Variants in SLC44A5 observed in about 807,000 individuals in gnomAD.
The protein encoded by SLC44A5 is choline transporter-like protein 5.
SLC44A5 carries 57 observed loss-of-function variants against 101.8 expected under a neutral mutation model. The observed-to-expected ratio is 0.56, with a 90% CI of 0.45 to 0.70. The LOEUF (loss-of-function observed/expected upper bound fraction) is 0.70. SLC44A5 is among the 30% of genes least tolerant of loss of function. The pLI, the probability that SLC44A5 is intolerant of heterozygous loss-of-function variation, is 0.00. For synonymous variants in SLC44A5, 281 were observed against 290.9 expected (o/e 0.97, Z 0.35); for missense variants, 737 against 853.1 (o/e 0.86, Z 1.70).
intron 1 of SLC44A5, among the ~76,000 whole-genome samples, chr1:75,549,615 T>A (rs1244350690): frequency 6.6e-6 from 1 of 152,170 alleles, no homozygotes; most frequent in East Asian, 1.9e-4. Flanking sequence ...CTTTAATTCC[T>A]GACCTTAAGG....
intron 23 of SLC44A5, among the ~76,000 whole-genome samples, chr1:75,210,338 G>A (rs1646828400): frequency 6.6e-6 from 1 of 152,050 alleles, no homozygotes; most frequent in Non-Finnish European, 1.5e-5. Context: ...AAGATTACAG[G>A]TATGAGCCAC....
At chr1:75,593,112 C>T (rs1428802683) in intron 1 of SLC44A5, among the ~76,000 whole-genome samples, 1 of 152,010 alleles carries the variant, frequency 6.6e-6, no homozygotes, top group Non-Finnish European at 1.5e-5. Flanking sequence ...GATTAATAAC[C>T]AGAATACACA....
intron 4 of SLC44A5, among the ~76,000 whole-genome samples, chr1:75,321,016 T>G: frequency 6.6e-6 from 1 of 152,194 alleles, no homozygotes; most frequent in East Asian, 1.9e-4. Context: ...AATATATTTA[T>G]TATAAATATG....
At chr1:75,215,657 A>G in intron 19 of SLC44A5, 97 bp downstream of exon 19, 2 of 680,500 alleles carry the variant, frequency 2.9e-6, no homozygotes, top group Non-Finnish European at 5.2e-6. Flanking sequence ...GATAAATTCA[A>G]CTGCATGAAG....
the SLC44A5 span, among the ~76,000 whole-genome samples, chr1:75,633,425 A>G: frequency 1.3e-5 from 2 of 152,116 alleles, no homozygotes; most frequent in African/African-American, 2.4e-5. Flanking sequence ...CTCCTTGAAG[A>G]GGTCCTTCAT....
At chr1:75,390,912 C>T (rs184374200) in intron 3 of SLC44A5, among the ~76,000 whole-genome samples, 1 of 152,128 alleles carries the variant, frequency 6.6e-6, no homozygotes, top group African/African-American at 2.4e-5. Flanking sequence ...TTGTCCATCT[C>T]CACTGAAGAT....
chr1:75,231,078 A>G (rs1647517464), intron 12 of SLC44A5, among the ~76,000 whole-genome samples: 1 of 152,194 alleles, frequency 6.6e-6, no homozygotes, highest in Non-Finnish European at 1.5e-5. Context: ...TTAATTGAGG[A>G]AACTTTCATC....
chr1:75,648,215 T>A, the SLC44A5 span, among the ~76,000 whole-genome samples: 1 of 152,130 alleles, frequency 6.6e-6, no homozygotes, highest in Non-Finnish European at 1.5e-5. Context: ...GCTTGGCACT[T>A]CTCTTTTCTG....
rs1312535477 is a variant in SLC44A5 at position 75,215,813 on chromosome 1, A to G, written c.1669T>C (p.Cys557Arg). ...LSKFLQCCLR[C>R]CFWCLENAIK... ...GCATTTTCCAAACACCAGAAGCAGCATCTCAGGCAGCATTGTAGGAATTTA... is the reference window on the plus strand; with the variant it reads ...GCATTTTCCAAACACCAGAAGCAGCGTCTCAGGCAGCATTGTAGGAATTTA... The change falls in exon 19 of 24, where the codon TGC (cysteine) becomes CGC (arginine). Residue 557 changes from cysteine (C) to arginine (R), a missense_variant. Cys to Arg is a radical substitution (Grantham distance 180). Around this residue, in one of 3 missense-constraint regions of SLC44A5, gnomAD observed 665 missense variants for 764.4 expected, o/e 0.87. Transcript: ENST00000370859. The G allele has an allele frequency of 6.2e-7, 1 of 1,609,200 alleles. No homozygotes were observed. Among genetic ancestry groups the G allele is most frequent in the Non-Finnish European group, 8.5e-7 (1 of 1,176,106 alleles).
At chr1:75,333,909 A>G (rs974539598) in intron 4 of SLC44A5, among the ~76,000 whole-genome samples, 2 of 152,160 alleles carry the variant, frequency 1.3e-5, no homozygotes, top group African/African-American at 4.8e-5. Flanking sequence ...GTCACACTTG[A>G]GTTCTTTCCA....
In SLC44A5 at chr1:75,324,672, G is replaced by A. The variant is rs575145618; in HGVS notation, c.101+14910C>T. ...GTCTGAAGGCTGCAAGTTTATTGTG[G>A]CCACATCAGCCCTTCCTCAGGAATT... On this transcript the variant is annotated intron_variant, in intron 4 of 23. Transcript: ENST00000370859. Among the ~76,000 whole-genome samples the A allele has an allele frequency of 2.4e-4, 37 of 152,196 alleles. No homozygotes were observed. The South Asian group carries it at 7.5e-3, about 31-fold the overall frequency.
the SLC44A5 span, among the ~76,000 whole-genome samples, chr1:75,722,457 T>C: frequency 0.019 from 2,904 of 152,308 alleles, 97 homozygotes; most frequent in African/African-American, 0.067. Context: ...ATGCAGAACG[T>C]TGGCGAACTG....
At chr1:75,302,995 A>C (rs1184359785) in intron 4 of SLC44A5, among the ~76,000 whole-genome samples, 1 of 152,192 alleles carries the variant, frequency 6.6e-6, no homozygotes, top group African/African-American at 2.4e-5. Flanking sequence ...TGCATCACGG[A>C]TGGCCACAGA....
Position 75,510,052 on chromosome 1 carries a change from A to G in SLC44A5, c.13+31383T>C, listed in dbSNP as rs113652239. ...CAGGGAAACTCCCCTTTATAAAACC[A>G]TCAGATCTCATGAGACTTATTCACT... On this transcript the variant is annotated intron_variant, in intron 2 of 23. Coordinates refer to ENST00000370859, the MANE Select transcript of SLC44A5 (RefSeq NM_001130058.2). Among the ~76,000 whole-genome samples, 879 of 152,280 alleles carry G rather than the reference A, an allele frequency of 5.8e-3. 4 individuals are homozygous for G. The highest frequency in any genetic ancestry group is 0.02 in the African/African-American group (842 of 41,550).
chr1:75,243,364 T>A (rs1469296731), intron 7 of SLC44A5, among the ~76,000 whole-genome samples: 1 of 151,996 alleles, frequency 6.6e-6, no homozygotes, highest in African/African-American at 2.4e-5. Context: ...CTCAAACTCC[T>A]GAGCTCAAGT....
rs548634604 is a variant in SLC44A5, at chr1:75,583,781, C to T, written c.-70+27259G>A. 3.3e-5 allele frequency among the ~76,000 whole-genome samples: 5 copies of T among 152,270 alleles called. No homozygotes were observed. In the South Asian group the frequency reaches 6.2e-4, roughly 19 times the overall value. ...GACACTCTACCATTTTGTAGATGAC[C>T]ATAACCTCTATATGCAGTACTCTTG... On this transcript the variant is annotated intron_variant, in intron 1 of 23. Coordinates refer to ENST00000370859, the MANE Select transcript of SLC44A5 (RefSeq NM_001130058.2).
At chr1:75,446,410 T>C (rs1395244512) in intron 2 of SLC44A5, among the ~76,000 whole-genome samples, 1 of 152,150 alleles carries the variant, frequency 6.6e-6, no homozygotes, top group Non-Finnish European at 1.5e-5. Context: ...ACCCCAGAAA[T>C]GTTGAGATTA....
chr1:75,659,649 A>AG, the SLC44A5 span, among the ~76,000 whole-genome samples: 1 of 131,220 alleles, frequency 7.6e-6, no homozygotes, highest in Non-Finnish European at 1.7e-5. Context: ...AAAAAAAAAA[A>AG]GTTAACTGAG....
the SLC44A5 span, among the ~76,000 whole-genome samples, chr1:75,667,532 C>T: frequency 1.3e-5 from 2 of 152,098 alleles, no homozygotes; most frequent in East Asian, 1.9e-4. Flanking sequence ...CAATGCTATC[C>T]CCATCAAGCT....
Sources: allele counts gnomAD v4.1 joint callset (sites outside exome capture counted in the v4.1 genomes callset), GRCh38; gene constraint gnomAD v4.1.1; regional missense constraint gnomAD v4.1.1; transcripts MANE v1.5; gene names NCBI Gene and HGNC (gene_info 2026-07-23, HGNC 2026-07-21).